Variants in ENTHD1 observed in about 807,000 individuals in gnomAD.
ENTHD1 encodes the protein ENTH domain-containing protein 1.
ENTHD1 carries 23 observed loss-of-function variants against 39.1 expected under a neutral mutation model. The ratio of observed to expected loss-of-function variants is 0.59; its 90% confidence interval spans 0.42 to 0.83. The LOEUF is 0.83. Among genes scored for constraint, ENTHD1 ranks in the 40% least tolerant of loss-of-function variants. The probability of loss-of-function intolerance (pLI) is 0.00; values close to 1 mark genes in which losing one functional copy is unlikely to be tolerated. For synonymous variants in ENTHD1, 230 were observed against 258.2 expected (o/e 0.89, Z 1.05); for missense variants, 624 against 705.4 (o/e 0.88, Z 1.31).
intron 2 of ENTHD1, among the ~76,000 whole-genome samples, chr22:39,881,257 T>C (rs1055947228): frequency 2.0e-5 from 3 of 152,356 alleles, no homozygotes; most frequent in East Asian, 1.9e-4. Flanking sequence ...TTTAAAGCAA[T>C]GTATCCAACT....
chr22:39,773,285 C>T (rs1482169302), intron 5 of ENTHD1, among the ~76,000 whole-genome samples: 1 of 152,100 alleles, frequency 6.6e-6, no homozygotes, highest in Non-Finnish European at 1.5e-5. Context: ...ACCACCTTGA[C>T]CTAACAGACA....
chr22:39,793,445 C>G (rs536238946), intron 5 of ENTHD1, among the ~76,000 whole-genome samples: 1 of 151,074 alleles, frequency 6.6e-6, no homozygotes, highest in African/African-American at 2.4e-5. Flanking sequence ...AACAGGTTGT[C>G]TCTTCACCTT....
Position 39,861,832 on chromosome 22 carries a change from G to T in ENTHD1, c.525C>A (p.Pro175=). ...TCTCTGAAGCAGAAATATCCGGTGT[G>T]GGGGCAGAAGTGCACGCTGTCAGTG... The part of the protein sequence containing the change: ...SNSLTACTSA[P]TPDISASEKK... Residue 175 remains proline, a synonymous_variant, in exon 3 of 7, where the codon CCC becomes CCA. Transcript: ENST00000325157. The T allele has an allele frequency of 6.3e-7, 1 of 1,597,946 alleles. No individual in the cohort carries two copies. The highest frequency in any genetic ancestry group is 8.5e-7 in the Non-Finnish European group (1 of 1,169,658).
chr22:39,893,029 GAC>G (rs1478477665), intron 1 of ENTHD1, among the ~76,000 whole-genome samples: 2 of 152,138 alleles, frequency 1.3e-5, no homozygotes, highest in Admixed American at 1.3e-4. Context: ...AGGTGCACAA[GAC>G]ACAGTCCTCA....
At chr22:39,821,403 C>G (rs1425704778) in intron 4 of ENTHD1, among the ~76,000 whole-genome samples, 1 of 152,182 alleles carries the variant, frequency 6.6e-6, no homozygotes, top group Non-Finnish European at 1.5e-5. Flanking sequence ...CATACTATCT[C>G]AGAGGCCAAT....
intron 5 of ENTHD1, among the ~76,000 whole-genome samples, chr22:39,774,107 T>C (rs1387549354): frequency 1.3e-5 from 2 of 152,150 alleles, no homozygotes; most frequent in Non-Finnish European, 2.9e-5. Flanking sequence ...ACAGGATTGA[T>C]GAGAAAGAAT....
chr22:39,784,543 T>TACACACACACACACACACAC (rs3044403), intron 5 of ENTHD1, among the ~76,000 whole-genome samples: 38 of 142,362 alleles, frequency 2.7e-4, no homozygotes, highest in African/African-American at 8.9e-4. Flanking sequence ...TCTCTCTGTA[T>TACACACACACACACACACAC]ACACACACAC....
intron 3 of ENTHD1, among the ~76,000 whole-genome samples, chr22:39,855,761 A>G (rs1054806120): frequency 6.6e-6 from 1 of 152,198 alleles, no homozygotes; most frequent in Non-Finnish European, 1.5e-5. Flanking sequence ...TTGGTGGAGC[A>G]ATGAGACTCA....
intron 3 of ENTHD1, among the ~76,000 whole-genome samples, chr22:39,845,473 C>T (rs563523810): frequency 6.6e-6 from 1 of 151,852 alleles, no homozygotes; most frequent in Non-Finnish European, 1.5e-5. Flanking sequence ...AAACACATTC[C>T]GGTAGAAAAA....
chr22:39,767,021 A>G (rs2065282460), intron 5 of ENTHD1, among the ~76,000 whole-genome samples: 1 of 152,118 alleles, frequency 6.6e-6, no homozygotes, highest in South Asian at 2.1e-4. Context: ...AGTAATTATA[A>G]CACTTCATAT....
intron 2 of ENTHD1, among the ~76,000 whole-genome samples, chr22:39,879,657 A>C (rs2066321023): frequency 6.6e-6 from 1 of 151,924 alleles, no homozygotes; most frequent in African/African-American, 2.4e-5. Context: ...AGCATCAGGA[A>C]CTCTCATTAT....
chr22:39,830,103 T>A (rs528672547), intron 4 of ENTHD1, among the ~76,000 whole-genome samples: 1 of 152,090 alleles, frequency 6.6e-6, no homozygotes, highest in East Asian at 1.9e-4. Context: ...TGAGATGGAG[T>A]CTCACTCTGT....
At chr22:39,833,033 G>A (rs895751928) in intron 4 of ENTHD1, among the ~76,000 whole-genome samples, 2 of 152,138 alleles carry the variant, frequency 1.3e-5, no homozygotes, top group African/African-American at 4.8e-5. Context: ...GTAGGCTTGG[G>A]AAGATGCTTC....
chr22:39,840,786 G>A (rs1435884421), intron 3 of ENTHD1, among the ~76,000 whole-genome samples: 6 of 150,822 alleles, frequency 4.0e-5, no homozygotes, highest in Non-Finnish European at 5.9e-5. Context: ...ACGGAGTCTC[G>A]CTCTGTCGCC....
intron 5 of ENTHD1, among the ~76,000 whole-genome samples, chr22:39,801,649 C>G (rs1225007918): frequency 2.0e-5 from 3 of 152,320 alleles, no homozygotes; most frequent in Admixed American, 1.3e-4. Context: ...AAGATGCCTA[C>G]ATTTTGTTAA....
chr22:39,886,171 AT>A (rs1045066266), intron 2 of ENTHD1, among the ~76,000 whole-genome samples: 3 of 152,182 alleles, frequency 2.0e-5, no homozygotes, highest in African/African-American at 7.2e-5. Flanking sequence ...AAAAAGCTAC[AT>A]ACTTTAAGAT....
chr22:39,845,473 C>A lies in ENTHD1; in HGVS notation c.593-9515G>T, dbSNP rs563523810. Among the ~76,000 whole-genome samples the A allele has an allele frequency of 3.7e-3, 556 of 151,970 alleles. 5 individuals carry two copies. Among genetic ancestry groups the A allele is most frequent in the African/African-American group, 0.012 (491 of 41,408 alleles). On this transcript the variant is annotated intron_variant, in intron 3 of 6. Coordinates refer to ENST00000325157, the MANE Select transcript of ENTHD1 (RefSeq NM_152512.4). ...GCCTGGCAACTAAACAAACACATTC[C>A]GGTAGAAAAACGAGCAGAGAAGGAG...
chr22:39,861,414 C>T (rs1188201518), intron 3 of ENTHD1, among the ~76,000 whole-genome samples: 3 of 152,044 alleles, frequency 2.0e-5, no homozygotes, highest in African/African-American at 7.2e-5. Context: ...GTGATGGGTG[C>T]CTGTAATCCC....
Position 39,756,016 on chromosome 22 carries a change from C to T in ENTHD1, c.1219+9207G>A, listed in dbSNP as rs117655576. Among the ~76,000 whole-genome samples the T allele has an allele frequency of 7.4e-3, 1,123 of 152,116 alleles. 6 individuals carry two copies. The highest frequency in any genetic ancestry group is 0.014 in the Middle Eastern group (4 of 294). On this transcript the variant is annotated intron_variant, in intron 6 of 6. Transcript: ENST00000325157. ...ACTATGCTATTCATCCAAGTAGGAG[C>T]CTAGCTTGAATTTATGGTGAGGTTT... is the stretch of plus-strand genomic sequence containing the variant.
Sources: allele counts gnomAD v4.1 joint callset (sites outside exome capture counted in the v4.1 genomes callset), GRCh38; gene constraint gnomAD v4.1.1; transcripts MANE v1.5; gene names NCBI Gene and HGNC (gene_info 2026-07-23, HGNC 2026-07-21).